HIVEP1: variants seen among roughly 807,000 people sequenced by gnomAD.
The protein encoded by HIVEP1 is HIVEP zinc finger 1.
In HIVEP1, 36 loss-of-function variants were observed where a neutral mutation model predicts 180.0. The observed-to-expected ratio is 0.20, with a 90% CI of 0.15 to 0.26. The LOEUF is 0.26. Ranked by LOEUF, HIVEP1 falls within the 10% of genes least tolerant of loss-of-function variation. HIVEP1 has a pLI of 1.00. For synonymous variants in HIVEP1, 1,239 were observed against 1,239.0 expected (o/e 1.00, Z 0.00); for missense variants, 3,143 against 3,268.7 (o/e 0.96, Z 0.94).
chr6:12,131,779 TAAAAAAAAAAAAA>T (rs143910763), intron 6 of HIVEP1, among the ~76,000 whole-genome samples: 2,112 of 90,682 alleles, frequency 0.023, 37 homozygotes, highest in Middle Eastern at 0.098. Flanking sequence ...GAGAAAACAG[TAAAAAAAAAAAAA>T]AAAAAAAAAA....
chr6:12,096,500 C>T (rs931713244), intron 3 of HIVEP1, among the ~76,000 whole-genome samples: 4 of 151,180 alleles, frequency 2.6e-5, no homozygotes, highest in Non-Finnish European at 5.9e-5. Flanking sequence ...GCTAGTTTCT[C>T]GCCTACTTTT....
chr6:12,062,133 TTAG>T (rs1771279072), intron 2 of HIVEP1, among the ~76,000 whole-genome samples: 1 of 152,182 alleles, frequency 6.6e-6, no homozygotes, highest in Non-Finnish European at 1.5e-5. Flanking sequence ...AAGTATAGTG[TTAG>T]GTAAAATCTA....
intron 3 of HIVEP1, among the ~76,000 whole-genome samples, chr6:12,107,047 T>G (rs1774473635): frequency 6.6e-6 from 1 of 152,236 alleles, no homozygotes; most frequent in Admixed American, 6.5e-5. Flanking sequence ...TATGTCCTCT[T>G]AACTTTTTTG....
At chr6:12,086,827 A>T (rs1405102077) in intron 2 of HIVEP1, among the ~76,000 whole-genome samples, 1 of 152,114 alleles carries the variant, frequency 6.6e-6, no homozygotes, top group East Asian at 1.9e-4. Flanking sequence ...ACGGTGAAAA[A>T]ATATAAATAA....
intron 4 of HIVEP1, among the ~76,000 whole-genome samples, chr6:12,127,575 T>C (rs575550928): frequency 6.6e-6 from 1 of 152,158 alleles, no homozygotes; most frequent in East Asian, 1.9e-4. Context: ...GTGTGTAGAG[T>C]AGAGATTCTT....
rs70981660 is a variant in HIVEP1 at position 12,078,605 on chromosome 6, T to TA, written c.41-10565dup. The stretch of plus-strand genomic sequence containing the variant: ...CAGCACCTTGTATCTGAGTCCTCCT[T>TA]AAAAAAAAAAAAAATACATACATAT... On this transcript the variant is annotated intron_variant, in intron 2 of 8. Transcript: ENST00000379388. Among the ~76,000 whole-genome samples the TA allele has an allele frequency of 6.7e-3, 900 of 134,252 alleles. 6 individuals carry two copies. Among genetic ancestry groups the TA allele is most frequent in the African/African-American group, 0.017 (588 of 35,460 alleles). The allele number at this position is 134,252 out of a possible 152,430, so 88.1% of individuals were successfully genotyped here.
At chr6:12,170,205 GAGTA>G in the HIVEP1 span, among the ~76,000 whole-genome samples, 3 of 152,112 alleles carry the variant, frequency 2.0e-5, no homozygotes, top group Non-Finnish European at 2.9e-5. Context: ...TCTAGTAGAA[GAGTA>G]AGTAAGCAAG....
the HIVEP1 span, among the ~76,000 whole-genome samples, chr6:12,178,157 CTGTT>C: frequency 6.6e-6 from 1 of 152,170 alleles, no homozygotes; most frequent in African/African-American, 2.4e-5. Context: ...ACCCTCAAAA[CTGTT>C]TAAAATAAAA....
At chr6:12,145,538 G>T (rs868782719) in intron 7 of HIVEP1, among the ~76,000 whole-genome samples, 4 of 146,538 alleles carry the variant, frequency 2.7e-5, no homozygotes, top group Middle Eastern at 3.7e-3. Flanking sequence ...AAAAAAGAAC[G>T]CCCTCTACCA....
intron 2 of HIVEP1, among the ~76,000 whole-genome samples, chr6:12,054,451 T>C (rs1377502120): frequency 1.3e-5 from 2 of 151,952 alleles, no homozygotes; most frequent in Non-Finnish European, 2.9e-5. Context: ...TACATATGTA[T>C]CTAGACTATA....
the HIVEP1 span, among the ~76,000 whole-genome samples, chr6:12,186,885 AT>A: frequency 0.11 from 15,660 of 147,294 alleles, 833 homozygotes; most frequent in East Asian, 0.18. Context: ...GAGCATGAGC[AT>A]TTTTTTTTTT....
chr6:12,044,407 G>A (rs1313951302), intron 2 of HIVEP1, among the ~76,000 whole-genome samples: 1 of 152,156 alleles, frequency 6.6e-6, no homozygotes, highest in African/African-American at 2.4e-5. Flanking sequence ...GGCACCAAAG[G>A]GTACCTTGGG....
chr6:12,123,819 G>A lies in HIVEP1; in HGVS notation c.4024G>A (p.Ala1342Thr), dbSNP rs762089179. 2 of 1,614,128 alleles carry A rather than the reference G, an allele frequency of 1.2e-6. No individual in the cohort carries two copies. Among genetic ancestry groups the A allele is most frequent in the South Asian group, 1.1e-5 (1 of 91,076 alleles). ...CCCCAAAATCGATTTTCTAAATAAA[G>A]CCGAGTTTCTTATGATTCCAGCTGG... Reference protein sequence around the residue: ...ASPKIDFLNKAEFLMIPAGLN... With the variant: ...ASPKIDFLNKTEFLMIPAGLN... The change falls in exon 4 of 9, where the codon GCC becomes ACC. Residue 1342 changes from alanine (A) to threonine (T), a missense_variant. By Grantham distance (58) the Ala-to-Thr change is moderately conservative. Around this residue, in one of 12 missense-constraint regions of HIVEP1, gnomAD observed 1,357 missense variants for 1,260.5 expected, o/e 1.08. Transcript: ENST00000379388.
In HIVEP1 at chr6:12,063,428, G is replaced by A. The variant is rs149483467; in HGVS notation, c.41-25756G>A. Among the ~76,000 whole-genome samples, 177 of 152,250 alleles carry A rather than the reference G, an allele frequency of 1.2e-3. No individual in the cohort carries two copies. Among genetic ancestry groups the A allele is most frequent in the African/African-American group, 4.1e-3 (169 of 41,554 alleles). ...TCACCCCAACCTAAAAACCACTAGT[G>A]GAGTTATATGGCATTAAACAAGATT... On this transcript the variant is annotated intron_variant, in intron 2 of 8. Coordinates refer to ENST00000379388, the MANE Select transcript of HIVEP1 (RefSeq NM_002114.4). This position sits in a 1 kb window ranked among gnomAD's most constrained non-coding sequence, Gnocchi z 4.2.
intron 4 of HIVEP1, among the ~76,000 whole-genome samples, chr6:12,127,236 G>A (rs528868509): frequency 4.9e-4 from 74 of 152,198 alleles, no homozygotes; most frequent in Non-Finnish European, 9.0e-4. Flanking sequence ...AAAGAACTCT[G>A]AAGAGTCTGG....
At chr6:12,074,029 T>G (rs2113793719) in intron 2 of HIVEP1, among the ~76,000 whole-genome samples, 1 of 152,360 alleles carries the variant, frequency 6.6e-6, no homozygotes, top group Admixed American at 6.5e-5. Flanking sequence ...GAGCTGTACA[T>G]CACTGTTCTT....
chr6:12,037,433 C>G (rs1160517077), intron 2 of HIVEP1, among the ~76,000 whole-genome samples: 1 of 152,176 alleles, frequency 6.6e-6, no homozygotes, highest in Non-Finnish European at 1.5e-5. Flanking sequence ...TTTCCTGAGA[C>G]CGTTTATTGC....
intron 2 of HIVEP1, among the ~76,000 whole-genome samples, chr6:12,051,001 C>CATACATATAT (rs1554135633): frequency 1.3e-5 from 1 of 77,600 alleles, no homozygotes; most frequent in African/African-American, 4.3e-5. Context: ...TACACAAGTG[C>CATACATATAT]ATATATATAT....
intron 2 of HIVEP1, among the ~76,000 whole-genome samples, chr6:12,080,285 T>G (rs1165419905): frequency 6.6e-6 from 1 of 152,174 alleles, no homozygotes; most frequent in East Asian, 1.9e-4. Flanking sequence ...CTTTTATTTT[T>G]ACTTCTTAGG....
Sources: gnomAD v4.1 joint callset for allele counts (sites outside exome capture counted in the v4.1 genomes callset) on GRCh38, gnomAD v4.1.1 for gene constraint, gnomAD v4.1.1 regional missense constraint, Gnocchi (gnomAD v3.1) non-coding constraint, MANE v1.5 for transcripts, NCBI Gene and HGNC (gene_info 2026-07-23, HGNC 2026-07-21) for gene names.